The following ZNF665 variants were observed in gnomAD, a reference collection of about 807,000 sequenced individuals.
The protein encoded by ZNF665 is zinc finger protein 665.
ZNF665 carries 6 observed loss-of-function variants against 7.9 expected under a neutral mutation model. The observed-to-expected ratio is 0.76, with a 90% confidence interval of 0.42 to 1.50. The LOEUF is 1.50. Among genes scored for constraint, ZNF665 ranks in the 40% most tolerant of loss-of-function variants. The pLI, the probability that ZNF665 is intolerant of heterozygous loss-of-function variation, is 0.01. For synonymous variants in ZNF665, 242 were observed against 274.5 expected (o/e 0.88, Z 1.17); for missense variants, 819 against 806.7 (o/e 1.02, Z -0.18).
chr19:53,185,459 A>C (rs1431100716), intron 1 of ZNF665, among the ~76,000 whole-genome samples: 1 of 152,084 alleles, frequency 6.6e-6, no homozygotes, highest in Non-Finnish European at 1.5e-5. Flanking sequence ...GATTATTATA[A>C]TATTGGGATA....
chr19:53,165,937 T>A lies in ZNF665; in HGVS notation c.553A>T (p.Lys185Ter). The A allele has an allele frequency of 6.2e-7, 1 of 1,614,156 alleles. No homozygotes were observed. Residue 185 changes from lysine to a stop codon, truncating the protein, a stop_gained, in exon 4 of 4, where the codon AAG (lysine) becomes TAG (stop). Coordinates refer to ENST00000396424, the MANE Select transcript of ZNF665 (RefSeq NM_024733.5). LOFTEE classifies it low-confidence loss of function (END_TRUNC). ...GKHYKCDECG[K>*]VFSQNSRLTS... ...AGCCGTGAGTTTTGACTGAAGACCT[T>A]GCCACATTCATCACATTTATAATGT...
At chr19:53,183,795 C>T (rs1257305799) in intron 1 of ZNF665, among the ~76,000 whole-genome samples, 2 of 152,118 alleles carry the variant, frequency 1.3e-5, no homozygotes, top group East Asian at 3.9e-4. Flanking sequence ...TGTGAAGGCC[C>T]TGAGGCAGGA....
intron 2 of ZNF665, chr19:53,182,440 A>C (rs2090744821): frequency 2.1e-6 from 1 of 479,860 alleles, no homozygotes; most frequent in Non-Finnish European, 3.7e-6. Context: ...CATCAAATGC[A>C]AATATAAATG....
rs745976247 is a variant in ZNF665, at chr19:53,166,344, A to G, written c.146T>C (p.Ile49Thr). The change falls in exon 4 of 4, where the codon ATC (isoleucine) becomes ACC (threonine). Residue 49 changes from isoleucine to threonine, a missense_variant. Ile to Thr is a moderately conservative substitution (Grantham distance 89). Transcript: ENST00000396424. ...ATCCGTGTTTACACATTTACAAGAG[A>G]TATCTGTAAGATATAAACAACCATA... The part of the protein sequence containing the change: ...ENYRNLVSLD[I>T]SCKCVNTDLP... The G allele has an allele frequency of 6.4e-7, 1 of 1,564,268 alleles. No individual in the cohort carries two copies. The highest frequency in any genetic ancestry group is 8.6e-7 in the Non-Finnish European group (1 of 1,157,388).
intron 2 of ZNF665, among the ~76,000 whole-genome samples, chr19:53,177,743 G>C (rs1482846056): frequency 1.3e-5 from 2 of 152,136 alleles, no homozygotes; most frequent in East Asian, 1.9e-4. Context: ...ACTATGATGA[G>C]AGCAATAGCA....
chr19:53,184,464 G>A (rs1241163364), intron 1 of ZNF665, among the ~76,000 whole-genome samples: 1 of 152,082 alleles, frequency 6.6e-6, no homozygotes, highest in African/African-American at 2.4e-5. Context: ...TGACCCTTTT[G>A]GACATACGAA....
chr19:53,167,242 C>T (rs1462108649), intron 3 of ZNF665, among the ~76,000 whole-genome samples: 1 of 152,004 alleles, frequency 6.6e-6, no homozygotes, highest in African/African-American at 2.4e-5. Context: ...CTCAGGTGAT[C>T]CCCCCGCCTC....
At chr19:53,185,604 C>A (rs2090772304) in intron 1 of ZNF665, among the ~76,000 whole-genome samples, 1 of 152,070 alleles carries the variant, frequency 6.6e-6, no homozygotes, top group Non-Finnish European at 1.5e-5. Flanking sequence ...CTTGCCTCAG[C>A]ACCTGGGTGG....
rs755086697 is a variant in ZNF665, at chr19:53,182,876, C to T, written c.15+8G>A. ...AGACAGAACAATCCACCGAGAATAT[C>T]ATCTCACCTGAGGAAGAGCCATCCC... On this transcript the variant is annotated splice_region_variant and intron_variant, in intron 2 of 3. Coordinates refer to ENST00000396424, the MANE Select transcript of ZNF665 (RefSeq NM_024733.5). 3 of 1,612,822 alleles carry T rather than the reference C, an allele frequency of 1.9e-6. No individual in the cohort carries two copies. Among genetic ancestry groups the T allele is most frequent in the Non-Finnish European group, 1.7e-6 (2 of 1,180,030 alleles).
At chr19:53,192,905 G>A (rs1053455025) in intron 1 of ZNF665, among the ~76,000 whole-genome samples, 2 of 152,168 alleles carry the variant, frequency 1.3e-5, no homozygotes, top group African/African-American at 4.8e-5. Flanking sequence ...GGTGGGGTAT[G>A]CAGGATCCCA....
chr19:53,179,314 T>C (rs1384417674), intron 2 of ZNF665, among the ~76,000 whole-genome samples: 1 of 142,330 alleles, frequency 7.0e-6, no homozygotes, highest in East Asian at 2.1e-4. Flanking sequence ...AGGCGGGGCT[T>C]GCAGTGAGCC....
chr19:53,166,039 C>T lies in ZNF665; in HGVS notation c.451G>A (p.Glu151Lys), dbSNP rs2090611903. Reference sequence around the variant, plus strand: ...CCTTCATGTTGAAATTGCTGCAGTTCAGGGAGATGTGACTGAAAGCTTACT... The same window carrying T: ...CCTTCATGTTGAAATTGCTGCAGTTTAGGGAGATGTGACTGAAAGCTTACT... ...LGVSFQSHLPELQQFQHEGKI... is the reference protein window; with the variant it reads ...LGVSFQSHLPKLQQFQHEGKI... Residue 151 changes from glutamate to lysine, a missense_variant, in exon 4 of 4, where the codon GAA becomes AAA. By Grantham distance (56) the Glu-to-Lys change is moderately conservative (BLOSUM62 1). Transcript: ENST00000396424. 6.2e-7 allele frequency: 1 copy of T among 1,613,942 alleles called. No homozygotes were observed. Among genetic ancestry groups the T allele is most frequent in the Non-Finnish European group, 8.5e-7 (1 of 1,179,950 alleles).
At chr19:53,189,913 G>A (rs58127632) in intron 1 of ZNF665, among the ~76,000 whole-genome samples, 22,963 of 152,018 alleles carry the variant, frequency 0.15, 2,421 homozygotes, top group East Asian at 0.48. Context: ...GGAGCCCTCC[G>A]GTGGCCCTGT....
chr19:53,175,900 C>A (rs1404368530), intron 2 of ZNF665, among the ~76,000 whole-genome samples: 1 of 152,190 alleles, frequency 6.6e-6, no homozygotes, highest in African/African-American at 2.4e-5. Context: ...ATTGCTCATG[C>A]CTGTAATCCC....
rs751955895 is a variant in ZNF665, at chr19:53,164,672, G to T, written c.1818C>A (p.Val606=). The T allele has an allele frequency of 2.5e-6, 4 of 1,612,834 alleles. No homozygotes were observed. Among genetic ancestry groups the T allele is most frequent in the Admixed American group, 1.7e-5 (1 of 59,986 alleles). Residue 606 remains valine, a synonymous_variant, in exon 4 of 4, where the codon GTC becomes GTA. Coordinates refer to ENST00000396424, the MANE Select transcript of ZNF665 (RefSeq NM_024733.5). ...KPYKCNECGK[V]FTQNSHLANH... ...TTGCAAGATGTGAATTTTGAGTGAA[G>T]ACCTTGCCACATTCATTACATTTGT...
Position 53,165,922 on chromosome 19 carries a change from T to C in ZNF665, c.568A>G (p.Asn190Asp). Residue 190 changes from asparagine to aspartate, a missense_variant, in exon 4 of 4, where the codon AAC (asparagine) becomes GAC (aspartate). By Grantham distance (23) the Asn-to-Asp change is conservative. Transcript: ENST00000396424. ...CTCTTATGACTTGTTAGCCGTGAGTTTTGACTGAAGACCTTGCCACATTCA... is the reference window on the plus strand; with the variant it reads ...CTCTTATGACTTGTTAGCCGTGAGTCTTGACTGAAGACCTTGCCACATTCA... Reference protein sequence around the residue: ...CDECGKVFSQNSRLTSHKRIH... With the variant: ...CDECGKVFSQDSRLTSHKRIH... 1 of 1,614,178 alleles carries C rather than the reference T, an allele frequency of 6.2e-7. No individual in the cohort carries two copies. Among genetic ancestry groups the C allele is most frequent in the African/African-American group, 1.3e-5 (1 of 75,052 alleles).
chr19:53,166,438 AATAGTT>A, intron 3 of ZNF665, 91 bp from the exon 4 acceptor site: 6 of 1,169,052 alleles, frequency 5.1e-6, no homozygotes, highest in Non-Finnish European at 7.1e-6. Context: ...CACCAAAAGT[AATAGTT>A]ATGTTGAACA....
Position 53,165,986 on chromosome 19 carries a change from C to T in ZNF665, c.504G>A (p.Glu168=). 1 of 1,613,840 alleles carries T rather than the reference C, an allele frequency of 6.2e-7. No homozygotes were observed. The highest frequency in any genetic ancestry group is 8.5e-7 in the Non-Finnish European group (1 of 1,179,768). ...EGKIYEYNQV[E]KSPNNRGKHY... is the part of the protein sequence containing the mutation. ...GTTTTCCTCGATTATTAGGAGACTTCTCAACTTGATTGTATTCATAAATTT... is the reference window on the plus strand; with the variant it reads ...GTTTTCCTCGATTATTAGGAGACTTTTCAACTTGATTGTATTCATAAATTT... Residue 168 remains glutamate (E), a synonymous_variant, in exon 4 of 4, where the codon GAG becomes GAA. Coordinates refer to ENST00000396424, the MANE Select transcript of ZNF665 (RefSeq NM_024733.5).
chr19:53,191,252 G>T (rs934551257), intron 1 of ZNF665, among the ~76,000 whole-genome samples: 2 of 152,200 alleles, frequency 1.3e-5, no homozygotes, highest in Non-Finnish European at 2.9e-5. Flanking sequence ...TTTTGGTGAT[G>T]AGAGGCGATG....
Sources: allele counts gnomAD v4.1 joint callset (sites outside exome capture counted in the v4.1 genomes callset), GRCh38; gene constraint gnomAD v4.1.1; transcripts MANE v1.5; gene names NCBI Gene and HGNC (gene_info 2026-07-23, HGNC 2026-07-21).